Variants in UNC5D observed in about 807,000 individuals in gnomAD.
UNC5D encodes unc-5 netrin receptor D, also known as netrin receptor UNC5D.
In UNC5D, 39 loss-of-function variants were observed where a neutral mutation model predicts 105.4. The ratio of observed to expected loss-of-function variants is 0.37; its 90% CI spans 0.29 to 0.48. The LOEUF (loss-of-function observed/expected upper bound fraction) is 0.48. Ranked by LOEUF, UNC5D falls within the 20% of genes least tolerant of loss-of-function variation. UNC5D has a pLI of 0.98. For missense variants in UNC5D, 991 were observed against 1,202.4 expected (o/e 0.82, Z 2.60); for synonymous variants, 452 against 450.4 (o/e 1.00, Z -0.04).
chr8:35,716,176 CAT>C (rs1341387490), intron 8 of UNC5D, among the ~76,000 whole-genome samples: 12 of 152,142 alleles, frequency 7.9e-5, no homozygotes, highest in African/African-American at 2.4e-4. Context: ...TGAAGACAGA[CAT>C]GTGTTCAAAG....
At chr8:35,406,082 C>T (rs1025214540) in intron 1 of UNC5D, among the ~76,000 whole-genome samples, 1 of 152,098 alleles carries the variant, frequency 6.6e-6, no homozygotes, top group African/African-American at 2.4e-5. Flanking sequence ...TTGATTTTTC[C>T]TTCTATTTTA....
chr8:35,255,217 G>A (rs553767131), intron 1 of UNC5D: 29 of 152,190 alleles, frequency 1.9e-4, no homozygotes, highest in African/African-American at 7.0e-4. Flanking sequence ...TTGCTTCCTG[G>A]TAACTGGTGC....
intron 2 of UNC5D, among the ~76,000 whole-genome samples, chr8:35,550,833 G>A (rs752746109): frequency 1.1e-4 from 17 of 152,210 alleles, no homozygotes; most frequent in Non-Finnish European, 1.8e-4. Flanking sequence ...GGGCATAATT[G>A]ATGCTACACC....
intron 4 of UNC5D, among the ~76,000 whole-genome samples, chr8:35,672,631 C>G (rs1198974915): frequency 6.6e-6 from 1 of 152,144 alleles, no homozygotes. Context: ...TGTAACCTCC[C>G]TTACAAGCTG....
chr8:35,538,180 T>A (rs1814972534), intron 1 of UNC5D, among the ~76,000 whole-genome samples: 1 of 151,664 alleles, frequency 6.6e-6, no homozygotes, highest in Non-Finnish European at 1.5e-5. Flanking sequence ...AGGAGGAGAA[T>A]CGGCTATAAG....
intron 4 of UNC5D, among the ~76,000 whole-genome samples, chr8:35,664,323 G>T (rs2131246959): frequency 6.6e-6 from 1 of 152,236 alleles, no homozygotes; most frequent in Admixed American, 6.5e-5. Flanking sequence ...TTGGATGTTT[G>T]TTTTAATTGG....
chr8:35,283,958 A>G (rs547412497), intron 1 of UNC5D, among the ~76,000 whole-genome samples: 1 of 152,342 alleles, frequency 6.6e-6, no homozygotes, highest in African/African-American at 2.4e-5. Context: ...TCAATTACCT[A>G]CAGTCTTCAA....
rs549174864 is a variant in UNC5D, at chr8:35,416,191, TA to T, written c.104-133092del. Among the ~76,000 whole-genome samples, 260 of 150,956 alleles carry T rather than the reference TA, an allele frequency of 1.7e-3. 1 individual carries two copies. The highest frequency in any genetic ancestry group is 6.1e-3 in the African/African-American group (252 of 41,166). Reference sequence around the variant, plus strand: ...CTATATACCCACAGAAATTAAAAATTAAAAAAAAAGGTGAAGCATAACCATA... The same window carrying T: ...CTATATACCCACAGAAATTAAAAATTAAAAAAAAGGTGAAGCATAACCATA... On this transcript the variant is annotated intron_variant, in intron 1 of 16. Coordinates refer to ENST00000404895, the MANE Select transcript of UNC5D (RefSeq NM_080872.4).
At chr8:35,686,080 A>T (rs1825987254) in intron 6 of UNC5D, among the ~76,000 whole-genome samples, 1 of 152,126 alleles carries the variant, frequency 6.6e-6, no homozygotes, top group African/African-American at 2.4e-5. Context: ...TAATACTATC[A>T]ATATATTTGG....
chr8:35,312,265 G>T (rs1286299700), intron 1 of UNC5D, among the ~76,000 whole-genome samples: 2 of 152,150 alleles, frequency 1.3e-5, no homozygotes, highest in Non-Finnish European at 2.9e-5. Flanking sequence ...TGACATAATT[G>T]TCAAATATGT....
chr8:35,663,351 T>C (rs1453471575), intron 4 of UNC5D, among the ~76,000 whole-genome samples: 3 of 152,210 alleles, frequency 2.0e-5, no homozygotes, highest in Admixed American at 6.5e-5. Flanking sequence ...TTCAGGGTAC[T>C]CTAGAAAAAG....
chr8:35,683,469 C>G (rs867199678), intron 4 of UNC5D, 78 bp from the exon 5 acceptor site: 7 of 1,444,150 alleles, frequency 4.8e-6, no homozygotes, highest in Non-Finnish European at 6.4e-6. Flanking sequence ...CTCCCACACC[C>G]GAATCTGCTC....
chr8:35,726,653 G>A (rs749069898), intron 10 of UNC5D, 124 bp downstream of exon 10: 27 of 1,417,262 alleles, frequency 1.9e-5, no homozygotes, highest in South Asian at 6.7e-5. Flanking sequence ...CAAACACTGC[G>A]GCTCCACTAG....
chr8:35,349,668 A>G (rs1194338135), intron 1 of UNC5D, among the ~76,000 whole-genome samples: 3 of 152,006 alleles, frequency 2.0e-5, no homozygotes, highest in African/African-American at 7.2e-5. Flanking sequence ...TTCAAGTAAC[A>G]CATGGCACTC....
intron 1 of UNC5D, among the ~76,000 whole-genome samples, chr8:35,343,839 A>C (rs918337070): frequency 1.3e-5 from 2 of 152,156 alleles, no homozygotes; most frequent in Non-Finnish European, 2.9e-5. Flanking sequence ...TTTTGAACAT[A>C]AATGAATTTG....
At chr8:35,771,919 A>C (rs1332961598) in intron 15 of UNC5D, among the ~76,000 whole-genome samples, 2 of 152,180 alleles carry the variant, frequency 1.3e-5, no homozygotes, top group Non-Finnish European at 2.9e-5. Flanking sequence ...AGTCTATACA[A>C]ATGCAAAATA....
At chr8:35,262,510 C>A (rs1334318954) in intron 1 of UNC5D, among the ~76,000 whole-genome samples, 2 of 152,170 alleles carry the variant, frequency 1.3e-5, no homozygotes, top group African/African-American at 4.8e-5. Flanking sequence ...ACAAGCCTTT[C>A]CAGCACAGTT....
chr8:35,324,723 G>C (rs562235299), intron 1 of UNC5D, among the ~76,000 whole-genome samples: 16 of 152,172 alleles, frequency 1.1e-4, no homozygotes, highest in Admixed American at 2.6e-4. Context: ...ATATGATGAA[G>C]AGAAGCTGCA....
At chr8:35,454,537 G>A (rs978440606) in intron 1 of UNC5D, among the ~76,000 whole-genome samples, 2 of 152,026 alleles carry the variant, frequency 1.3e-5, no homozygotes, top group Non-Finnish European at 2.9e-5. Flanking sequence ...AAGAAAGTAG[G>A]TTCTGAGATG....
Sources: allele counts gnomAD v4.1 joint callset (sites outside exome capture counted in the v4.1 genomes callset), GRCh38; gene constraint gnomAD v4.1.1; transcripts MANE v1.5; gene names NCBI Gene and HGNC (gene_info 2026-07-23, HGNC 2026-07-21).